PCDHA4: variants seen among roughly 807,000 people sequenced by gnomAD.
PCDHA4 encodes protocadherin alpha 4.
Under a neutral mutation model 61.4 loss-of-function variants are expected in PCDHA4, and 49 were observed. The observed-to-expected ratio is 0.80, with a 90% CI of 0.63 to 1.01. The LOEUF is 1.01. Among genes scored for constraint, PCDHA4 ranks in the 50% least tolerant of loss-of-function variants. The pLI is 0.00. For synonymous variants in PCDHA4, 590 were observed against 550.3 expected (o/e 1.07, Z -1.01); for missense variants, 1,254 against 1,235.8 (o/e 1.01, Z -0.22).
Position 140,808,097 on chromosome 5 carries a change from G to A in PCDHA4, c.910G>A (p.Val304Ile), listed in dbSNP as rs782004795. ...AGATCCAATTACTGGACAAATTATT[G>A]TAAAGGGATATATTGACTTTGAAGA... ...HIDPITGQII[V>I]KGYIDFEESK... The change falls in exon 1 of 4, where the codon GTA becomes ATA. Residue 304 changes from valine to isoleucine, a missense_variant. Transcript: ENST00000530339. The A allele has an allele frequency of 6.2e-7, 1 of 1,613,970 alleles. No individual in the cohort carries two copies. The highest frequency in any genetic ancestry group is 8.5e-7 in the Non-Finnish European group (1 of 1,179,864).
chr5:140,928,570 C>A (rs2085340367), intron 1 of PCDHA4: 1 of 1,614,196 alleles, frequency 6.2e-7, no homozygotes, highest in South Asian at 1.1e-5. Flanking sequence ...GTTTCCCTTG[C>A]CCAGAAATGG....
At chr5:140,815,038 AT>A (rs1226281271) in intron 1 of PCDHA4, 30 of 152,068 alleles carry the variant, frequency 2.0e-4, no homozygotes, top group Non-Finnish European at 3.4e-4. Flanking sequence ...TTTGCATGAA[AT>A]TTTTTTAATA....
At chr5:141,005,822 C>T (rs1248291613) in intron 3 of PCDHA4, among the ~76,000 whole-genome samples, 2 of 151,298 alleles carry the variant, frequency 1.3e-5, no homozygotes, top group Non-Finnish European at 2.9e-5. Context: ...GTATGGTGGC[C>T]TGTAGTCCCA....
At chr5:140,820,196 T>C (rs1554127803) in intron 1 of PCDHA4, among the ~76,000 whole-genome samples, 26 of 152,084 alleles carry the variant, frequency 1.7e-4, no homozygotes. Flanking sequence ...GATTTGTGTT[T>C]CAACGATCCA....
At chr5:140,841,101 C>T (rs1282601439) in intron 1 of PCDHA4, 2 of 575,780 alleles carry the variant, frequency 3.5e-6, no homozygotes, top group East Asian at 3.0e-5. Context: ...CCAGATATTG[C>T]GGAAGTAATT....
At chr5:140,826,195 T>A (rs1554130490) in intron 1 of PCDHA4, among the ~76,000 whole-genome samples, 1 of 152,214 alleles carries the variant, frequency 6.6e-6, no homozygotes, top group African/African-American at 2.4e-5. Context: ...AAGTTAACAA[T>A]GGTCACATTT....
chr5:140,807,407 C>T lies in PCDHA4; in HGVS notation c.220C>T (p.Leu74Phe), dbSNP rs1554123978. 2.6e-6 allele frequency: 4 copies of T among 1,556,782 alleles called. 1 individual carries two copies. The highest frequency in any genetic ancestry group is 3.5e-6 in the Non-Finnish European group (4 of 1,143,142). The change falls in exon 1 of 4, where the codon CTT (leucine) becomes TTT (phenylalanine). Residue 74 changes from leucine to phenylalanine, a missense_variant. Coordinates refer to ENST00000530339, the MANE Select transcript of PCDHA4 (RefSeq NM_018907.4). ...FRVASKGRGG[L>F]LEVNLQNGIL... ...GGTGGCGTCCAAGGGCCGCGGAGGC[C>T]TTCTGGAGGTAAATCTGCAGAATGG...
chr5:140,905,048 C>A (rs2153487978), intron 1 of PCDHA4, among the ~76,000 whole-genome samples: 1 of 152,186 alleles, frequency 6.6e-6, no homozygotes, highest in African/African-American at 2.4e-5. Flanking sequence ...TAATTAGGTC[C>A]CATTTATTTA....
chr5:140,978,794 T>A, intron 1 of PCDHA4, 155 bp from the exon 2 acceptor site: 1 of 978,746 alleles, frequency 1.0e-6, no homozygotes, highest in Non-Finnish European at 1.2e-6. Flanking sequence ...GTGCTATATA[T>A]GTAGATATCA....
chr5:140,871,103 C>T lies in PCDHA4; in HGVS notation c.2385+61531C>T, dbSNP rs202137231. On this transcript the variant is annotated intron_variant, in intron 1 of 3. Coordinates refer to ENST00000530339, the MANE Select transcript of PCDHA4 (RefSeq NM_018907.4). Reference sequence around the variant, plus strand: ...ACGGCCACGGCCACCGTGCTGGTGTCGTTGGTGGAGAGCGGACAGGCGCCA... The same window carrying T: ...ACGGCCACGGCCACCGTGCTGGTGTTGTTGGTGGAGAGCGGACAGGCGCCA... 4 of 1,613,290 alleles carry T rather than the reference C, an allele frequency of 2.5e-6. No individual in the cohort carries two copies. The Admixed American group carries it at 5.0e-5, about 20-fold the overall frequency.
intron 1 of PCDHA4, chr5:140,842,120 T>A: frequency 6.2e-7 from 1 of 1,613,882 alleles, no homozygotes; most frequent in Non-Finnish European, 8.5e-7. Context: ...ACTGAATGCT[T>A]CTGATCCGGA....
intron 1 of PCDHA4, chr5:140,870,384 G>A: frequency 6.2e-7 from 1 of 1,614,230 alleles, no homozygotes; most frequent in African/African-American, 1.3e-5. Context: ...TGACTGCGCG[G>A]GATGGGGGTT....
chr5:140,967,800 TGGCA>T, intron 1 of PCDHA4: 1 of 1,614,174 alleles, frequency 6.2e-7, no homozygotes, highest in Non-Finnish European at 8.5e-7. Context: ...CCAGTGCCCA[TGGCA>T]GGTCACTGCA....
chr5:140,949,685 G>A (rs1044878374), intron 1 of PCDHA4, among the ~76,000 whole-genome samples: 4 of 151,794 alleles, frequency 2.6e-5, no homozygotes, highest in East Asian at 1.9e-4. Flanking sequence ...TTGTTGAAGC[G>A]TATTGTTGGA....
chr5:140,896,718 T>C (rs1331880145), intron 1 of PCDHA4, among the ~76,000 whole-genome samples: 1 of 152,138 alleles, frequency 6.6e-6, no homozygotes, highest in East Asian at 1.9e-4. Context: ...TTTTGCTTGT[T>C]AATTTGTTTA....
intron 3 of PCDHA4, among the ~76,000 whole-genome samples, chr5:140,990,953 A>G (rs371951430): frequency 6.6e-6 from 1 of 152,194 alleles, no homozygotes; most frequent in Non-Finnish European, 1.5e-5. Flanking sequence ...GACTGTAGAA[A>G]TAGTCTCTTA....
chr5:140,834,224 G>T (rs1183428417), intron 1 of PCDHA4: 6 of 695,532 alleles, frequency 8.6e-6, no homozygotes, highest in Non-Finnish European at 1.4e-5. Context: ...ATCAGCAAAA[G>T]GAAGTCATTC....
At chr5:140,860,165 G>T (rs1045558132) in intron 1 of PCDHA4, 2 of 147,750 alleles carry the variant, frequency 1.4e-5, no homozygotes, top group Admixed American at 1.4e-4. Flanking sequence ...ATATATATAT[G>T]TATATATATA....
rs143264790 is a variant in PCDHA4 at position 140,829,783 on chromosome 5, G to A, written c.2385+20211G>A. 692 of 1,613,800 alleles carry A rather than the reference G, an allele frequency of 4.3e-4. 1 individual carries two copies. Among genetic ancestry groups the A allele is most frequent in the Non-Finnish European group, 5.5e-4 (653 of 1,179,870 alleles). ...TGGACGAGAACGACAACGCGCCGGC[G>A]CTGCTGGCGCCTCGGGTGGGTGGTA... On this transcript the variant is annotated intron_variant, in intron 1 of 3. Transcript: ENST00000530339.
Sources: gnomAD v4.1 joint callset for allele counts (sites outside exome capture counted in the v4.1 genomes callset) on GRCh38, gnomAD v4.1.1 for gene constraint, MANE v1.5 for transcripts, NCBI Gene and HGNC (gene_info 2026-07-23, HGNC 2026-07-21) for gene names.